The following CDH13 variants were observed in gnomAD, a reference collection of about 807,000 sequenced individuals.
CDH13 encodes the protein cadherin-13.
A neutral mutation model predicts 63.8 loss-of-function variants in CDH13; 24 were observed. That is an observed-to-expected ratio of 0.38 (90% CI 0.27 to 0.53). The LOEUF (loss-of-function observed/expected upper bound fraction) is 0.53, where lower values mean the gene tolerates loss of function less well. Among genes scored for constraint, CDH13 ranks in the 20% least tolerant of loss-of-function variants. CDH13 has a pLI of 0.85. For synonymous variants in CDH13, 503 were observed against 355.3 expected, an observed-to-expected ratio of 1.42 and a Z score of -4.67; for missense variants, 1,049 against 903.1, an observed-to-expected ratio of 1.16 and a Z score of -2.07.
intron 3 of CDH13, among the ~76,000 whole-genome samples, chr16:83,069,974 G>A (rs1462082778): frequency 6.6e-6 from 1 of 152,120 alleles, no homozygotes; most frequent in Non-Finnish European, 1.5e-5. Flanking sequence ...AGGAAATGAA[G>A]AAAAATTGGG....
chr16:83,541,647 G>A (rs138224780), intron 7 of CDH13, among the ~76,000 whole-genome samples: 8 of 152,316 alleles, frequency 5.3e-5, no homozygotes, highest in Admixed American at 2.0e-4. Flanking sequence ...GGAAGGCACA[G>A]CCCAAGATGG....
chr16:83,507,947 G>C (rs556593218), intron 7 of CDH13, among the ~76,000 whole-genome samples: 7 of 151,284 alleles, frequency 4.6e-5, no homozygotes, highest in African/African-American at 1.7e-4. Context: ...CAGGAGAGTC[G>C]CTTGAAACCG....
intron 6 of CDH13, among the ~76,000 whole-genome samples, chr16:83,363,317 AAAACATAT>A (rs2091199109): frequency 6.6e-6 from 1 of 152,206 alleles, no homozygotes; most frequent in Non-Finnish European, 1.5e-5. Flanking sequence ...CAAGAAAAAG[AAAACATAT>A]AAAGCAGTAT....
rs377453470 is a variant in CDH13 at position 83,236,481 on chromosome 16, A to G, written c.636+18984A>G. Reference sequence around the variant, plus strand: ...CATTATAGAAGTTACTCTTTGAATAATATTGTGAGAAAAAATTTAATTAGT... The same window carrying G: ...CATTATAGAAGTTACTCTTTGAATAGTATTGTGAGAAAAAATTTAATTAGT... On this transcript the variant is annotated intron_variant, in intron 5 of 13. Transcript: ENST00000567109. Among the ~76,000 whole-genome samples the G allele has an allele frequency of 4.1e-4, 63 of 152,332 alleles. 2 individuals carry two copies. The South Asian group carries it at 0.013, about 31-fold the overall frequency.
At chr16:82,912,771 G>A (rs145576777) in intron 2 of CDH13, among the ~76,000 whole-genome samples, 1,860 of 152,110 alleles carry the variant, frequency 0.012, 31 homozygotes, top group African/African-American at 0.043. Context: ...GTGAAACCCC[G>A]TCTCTACTAA....
chr16:82,880,140 C>G (rs1029316721), intron 2 of CDH13, among the ~76,000 whole-genome samples: 9 of 151,738 alleles, frequency 5.9e-5, no homozygotes, highest in African/African-American at 2.2e-4. Flanking sequence ...ACTGATCATA[C>G]CTACTGATCA....
chr16:83,580,099 G>A (rs9928959), intron 7 of CDH13, among the ~76,000 whole-genome samples: 7,338 of 152,126 alleles, frequency 0.048, 355 homozygotes, highest in African/African-American at 0.12. Context: ...GGCAGAGGGG[G>A]ACAGATCTCC....
At chr16:83,163,648 A>G (rs1567464964) in intron 4 of CDH13, among the ~76,000 whole-genome samples, 1 of 151,326 alleles carries the variant, frequency 6.6e-6, no homozygotes, top group Non-Finnish European at 1.5e-5. Flanking sequence ...TGTCATCTCC[A>G]CTCTCTTTCT....
intron 2 of CDH13, among the ~76,000 whole-genome samples, chr16:82,982,618 A>G (rs1910424732): frequency 6.6e-6 from 1 of 152,184 alleles, no homozygotes; most frequent in Non-Finnish European, 1.5e-5. Flanking sequence ...AGAGAAATGC[A>G]TTCTTATCCC....
chr16:83,294,093 AT>A (rs2089529917), intron 5 of CDH13, among the ~76,000 whole-genome samples: 3 of 151,848 alleles, frequency 2.0e-5, no homozygotes, highest in South Asian at 4.2e-4. Flanking sequence ...TTCTTTTAGA[AT>A]TTTTTCCTTT....
chr16:83,180,996 A>G (rs2038332817), intron 4 of CDH13: 3 of 1,527,074 alleles, frequency 2.0e-6, no homozygotes, highest in Non-Finnish European at 1.8e-6. Context: ...GCTTTAAAGG[A>G]ATAAATCACA....
chr16:83,239,615 T>G (rs975627440), intron 5 of CDH13, among the ~76,000 whole-genome samples: 1 of 152,242 alleles, frequency 6.6e-6, no homozygotes, highest in African/African-American at 2.4e-5. Flanking sequence ...CTGTCTACTT[T>G]CTGTGACTGA....
intron 7 of CDH13, among the ~76,000 whole-genome samples, chr16:83,529,262 A>T (rs1451167713): frequency 6.6e-6 from 1 of 152,158 alleles, no homozygotes; most frequent in Admixed American, 6.5e-5. Flanking sequence ...TTTGCAGTGT[A>T]CAAGCTAATT....
intron 1 of CDH13, among the ~76,000 whole-genome samples, chr16:82,775,013 C>T (rs573770561): frequency 9.2e-5 from 14 of 152,192 alleles, no homozygotes; most frequent in Non-Finnish European, 1.5e-4. Context: ...CAGACTCTAC[C>T]TAATGGCCCT....
At chr16:82,811,010 G>T (rs542905318) in intron 1 of CDH13, among the ~76,000 whole-genome samples, 1 of 152,240 alleles carries the variant, frequency 6.6e-6, no homozygotes, top group South Asian at 2.1e-4. Context: ...GTCCATCTCA[G>T]ATCCTGTTCA....
chr16:83,067,797 C>T (rs1027418620), intron 3 of CDH13, among the ~76,000 whole-genome samples: 11 of 152,162 alleles, frequency 7.2e-5, no homozygotes, highest in African/African-American at 2.2e-4. Flanking sequence ...CCTCTCCTTC[C>T]GTCAGCCTGC....
intron 11 of CDH13, among the ~76,000 whole-genome samples, chr16:83,766,323 G>T (rs1914384595): frequency 6.6e-6 from 1 of 152,172 alleles, no homozygotes; most frequent in African/African-American, 2.4e-5. Context: ...ATACATATTT[G>T]TTTTTTAAAT....
intron 1 of CDH13, among the ~76,000 whole-genome samples, chr16:82,787,665 A>T (rs976228172): frequency 1.3e-5 from 2 of 152,224 alleles, no homozygotes; most frequent in Non-Finnish European, 2.9e-5. Context: ...TTGCCCAGAG[A>T]GGTGAATGGG....
chr16:83,133,356 A>C (rs1411637635), intron 4 of CDH13, among the ~76,000 whole-genome samples: 1 of 152,180 alleles, frequency 6.6e-6, no homozygotes, highest in Non-Finnish European at 1.5e-5. Flanking sequence ...TATTGATTTC[A>C]TTTGGAAACA....
Sources: allele counts gnomAD v4.1 joint callset (sites outside exome capture counted in the v4.1 genomes callset), GRCh38; gene constraint gnomAD v4.1.1; transcripts MANE v1.5; gene names NCBI Gene and HGNC (gene_info 2026-07-23, HGNC 2026-07-21).